The following SLC35F3 variants were observed in gnomAD, a reference collection of about 807,000 sequenced individuals.
The protein encoded by SLC35F3 is solute carrier family 35 member F3, also known as putative thiamine transporter SLC35F3.
In SLC35F3, 25 loss-of-function variants were observed where a neutral mutation model predicts 49.9. The observed-to-expected ratio is 0.50, with a 90% confidence interval of 0.37 to 0.70. SLC35F3 has a LOEUF of 0.70. Ranked by LOEUF, SLC35F3 falls within the 30% of genes least tolerant of loss-of-function variation. SLC35F3 has a pLI of 0.00. For missense variants in SLC35F3, 525 were observed against 639.8 expected (o/e 0.82, Z 1.94); for synonymous variants, 275 against 265.4 (o/e 1.04, Z -0.35).
rs546047835 is a variant in SLC35F3, at chr1:234,155,461, G to A, written c.284-75956G>A. 6.6e-5 allele frequency among the ~76,000 whole-genome samples: 10 copies of A among 151,868 alleles called. No individual in the cohort carries two copies. The South Asian group carries it at 2.1e-3, about 32-fold the overall frequency. ...GTCTTACTGTTTTGCCCAGGCTGCA[G>A]TACAGTGGCACAATCTTGGCTCACT... On this transcript the variant is annotated intron_variant, in intron 2 of 7. Transcript: ENST00000366618.
At chr1:234,184,818 A>G (rs1030068742) in intron 2 of SLC35F3, among the ~76,000 whole-genome samples, 24 of 152,336 alleles carry the variant, frequency 1.6e-4, no homozygotes, top group Admixed American at 1.3e-3. Flanking sequence ...TAGATATGAT[A>G]GTCCCTTGGT....
At chr1:234,039,845 C>A (rs1664195112) in intron 2 of SLC35F3, among the ~76,000 whole-genome samples, 1 of 152,172 alleles carries the variant, frequency 6.6e-6, no homozygotes, top group Non-Finnish European at 1.5e-5. Context: ...GCCTGCAACC[C>A]CAAGGCCCCA....
Position 234,323,106 on chromosome 1 carries a change from G to A in SLC35F3, c.1336G>A (p.Glu446Lys), listed in dbSNP as rs1253680855. 1.2e-6 allele frequency: 2 copies of A among 1,614,194 alleles called. No individual in the cohort carries two copies. Among genetic ancestry groups the A allele is most frequent in the East Asian group, 4.5e-5 (2 of 44,880 alleles). ...TTTTCTCCTCCTGCTCCTGCCAGAG[G>A]AGTGGGATGTCTGGTTGATCAAGCT... ...LGFLLLLLPEEWDVWLIKLLT... is the reference protein window; with the variant it reads ...LGFLLLLLPEKWDVWLIKLLT... Residue 446 changes from glutamate (E) to lysine (K), a missense_variant, in exon 8 of 8, where the codon GAG becomes AAG. Coordinates refer to ENST00000366618, the MANE Select transcript of SLC35F3 (RefSeq NM_173508.4). This position sits in a 1 kb window ranked among gnomAD's most constrained non-coding sequence, Gnocchi z 4.5.
intron 2 of SLC35F3, among the ~76,000 whole-genome samples, chr1:234,087,664 C>G (rs1369651845): frequency 6.6e-6 from 1 of 152,200 alleles, no homozygotes; most frequent in African/African-American, 2.4e-5. Context: ...AATTGTATCA[C>G]TCTTCTGTTA....
At chr1:234,032,763 A>G (rs1664082816) in intron 2 of SLC35F3, among the ~76,000 whole-genome samples, 1 of 151,706 alleles carries the variant, frequency 6.6e-6, no homozygotes, top group African/African-American at 2.4e-5. Flanking sequence ...TTCTTTATCC[A>G]CTCATTGATT....
chr1:233,950,713 T>C (rs1662592614), intron 2 of SLC35F3, among the ~76,000 whole-genome samples: 1 of 152,044 alleles, frequency 6.6e-6, no homozygotes, highest in Non-Finnish European at 1.5e-5. Flanking sequence ...TAAAAGAACA[T>C]CTCCTATCAC....
intron 2 of SLC35F3, among the ~76,000 whole-genome samples, chr1:233,909,585 T>C (rs1661835937): frequency 6.6e-6 from 1 of 152,284 alleles, no homozygotes; most frequent in Non-Finnish European, 1.5e-5. Flanking sequence ...AAGTGCTTCC[T>C]GAACCACAGA....
intron 2 of SLC35F3, among the ~76,000 whole-genome samples, chr1:234,083,800 G>T (rs1664917463): frequency 6.6e-6 from 1 of 151,182 alleles, no homozygotes; most frequent in East Asian, 1.9e-4. Context: ...AGGAGGCAAT[G>T]AGCTTTCTAG....
intron 2 of SLC35F3, among the ~76,000 whole-genome samples, chr1:234,203,980 C>T (rs556948664): frequency 1.3e-5 from 2 of 152,224 alleles, no homozygotes; most frequent in East Asian, 3.9e-4. Context: ...AGTATGCATA[C>T]GGACTATGTG....
chr1:233,956,381 A>G (rs542382126), intron 2 of SLC35F3, among the ~76,000 whole-genome samples: 1 of 152,292 alleles, frequency 6.6e-6, no homozygotes, highest in Admixed American at 6.5e-5. Flanking sequence ...AGCTGGCCCC[A>G]CTGCAGTCTC....
chr1:234,271,909 G>T (rs1023408225), intron 3 of SLC35F3, among the ~76,000 whole-genome samples: 2 of 152,158 alleles, frequency 1.3e-5, no homozygotes, highest in Non-Finnish European at 2.9e-5. Flanking sequence ...TGGATCGCTT[G>T]AGTCCAGGAG....
intron 2 of SLC35F3, among the ~76,000 whole-genome samples, chr1:233,996,896 C>G (rs894330759): frequency 1.3e-5 from 2 of 151,948 alleles, no homozygotes; most frequent in African/African-American, 4.8e-5. Context: ...GGATTTGACT[C>G]CATATTGGGT....
At chr1:233,936,560 C>A (rs1170650180) in intron 2 of SLC35F3, among the ~76,000 whole-genome samples, 2 of 151,610 alleles carry the variant, frequency 1.3e-5, no homozygotes, top group Non-Finnish European at 2.9e-5. Context: ...CCTCTTTCTT[C>A]TTCTTCTCCT....
Position 234,214,466 on chromosome 1 carries a change from G to A in SLC35F3, c.284-16951G>A, listed in dbSNP as rs1319094757. ...AGCCGGCCCCAGGATGTAGGCGATCGGCGGCAGCGCTCCTGCAGGCGGCCG... is the reference window on the plus strand; with the variant it reads ...AGCCGGCCCCAGGATGTAGGCGATCAGCGGCAGCGCTCCTGCAGGCGGCCG... On this transcript the variant is annotated intron_variant, in intron 2 of 7. Transcript: ENST00000366618. This position sits in a 1 kb window ranked among gnomAD's most constrained non-coding sequence, Gnocchi z 8.0. 6.6e-7 allele frequency: 1 copy of A among 1,517,556 alleles called. No individual in the cohort carries two copies. The highest frequency in any genetic ancestry group is 2.1e-5 in the Admixed American group (1 of 47,168). The allele number at this position is 1,517,556 out of a possible 1,614,324, so 94.0% of individuals were successfully genotyped here.
intron 2 of SLC35F3, among the ~76,000 whole-genome samples, chr1:234,144,193 T>C (rs923494135): frequency 6.6e-6 from 1 of 152,204 alleles, no homozygotes; most frequent in South Asian, 2.1e-4. Flanking sequence ...CCTCTCCCAG[T>C]GCTTCTCAGT....
rs532626244 is a variant in SLC35F3 at position 233,931,756 on chromosome 1, C to G, written c.283+25998C>G. On this transcript the variant is annotated intron_variant, in intron 2 of 7. Transcript: ENST00000366618. Reference sequence around the variant, plus strand: ...GTGGCAATTCCTCAAGGATTTAGAACTAGGAATACCATTTGACCCAGCCAT... The same window carrying G: ...GTGGCAATTCCTCAAGGATTTAGAAGTAGGAATACCATTTGACCCAGCCAT... Among the ~76,000 whole-genome samples the G allele has an allele frequency of 4.6e-5, 7 of 152,308 alleles. No homozygotes were observed. In the East Asian group the frequency reaches 1.4e-3, roughly 29 times the overall value.
chr1:234,287,791 T>C (rs944502875), intron 3 of SLC35F3, among the ~76,000 whole-genome samples: 21 of 152,226 alleles, frequency 1.4e-4, no homozygotes, highest in Non-Finnish European at 2.2e-4. Flanking sequence ...AATATGTGGA[T>C]AGGATCATTC....
chr1:234,266,990 A>G (rs1324983560), intron 3 of SLC35F3, among the ~76,000 whole-genome samples: 1 of 138,158 alleles, frequency 7.2e-6, no homozygotes, highest in Non-Finnish European at 1.5e-5. Flanking sequence ...CAAGTGAACA[A>G]AGGTCTCTGG....
At chr1:234,058,191 GT>G (rs201171597) in intron 2 of SLC35F3, among the ~76,000 whole-genome samples, 6 of 148,532 alleles carry the variant, frequency 4.0e-5, no homozygotes, top group East Asian at 2.0e-4. Flanking sequence ...TTTGCTTTGG[GT>G]TTTTTTTTCG....
Sources: gnomAD v4.1 joint callset for allele counts (sites outside exome capture counted in the v4.1 genomes callset) on GRCh38, gnomAD v4.1.1 for gene constraint, Gnocchi (gnomAD v3.1) non-coding constraint, MANE v1.5 for transcripts, NCBI Gene and HGNC (gene_info 2026-07-23, HGNC 2026-07-21) for gene names.